DMBT1: variants seen among roughly 807,000 people sequenced by gnomAD.
DMBT1 encodes scavenger receptor cysteine-rich domain-containing protein DMBT1.
In DMBT1, 198 loss-of-function variants were observed where a neutral mutation model predicts 252.9. The observed-to-expected ratio is 0.78, with a 90% CI of 0.70 to 0.88. The LOEUF is 0.88. Ranked by LOEUF, DMBT1 falls within the 40% of genes least tolerant of loss-of-function variation. The probability of loss-of-function intolerance (pLI) is 0.00; values close to 1 mark genes in which losing one functional copy is unlikely to be tolerated. For synonymous variants in DMBT1, 990 were observed against 942.7 expected (o/e 1.05, Z -0.92); for missense variants, 2,432 against 2,404.7 (o/e 1.01, Z -0.24).
intron 40 of DMBT1, 47 bp downstream of exon 40, chr10:122,617,307 T>C (rs748813111): frequency 1.9e-6 from 3 of 1,588,344 alleles, no homozygotes; most frequent in Non-Finnish European, 2.6e-6. Flanking sequence ...TCTCTGGACA[T>C]ATTTTGTGTT....
intron 43 of DMBT1, 145 bp from the exon 44 acceptor site, chr10:122,620,912 C>A: frequency 6.8e-7 from 1 of 1,467,882 alleles, no homozygotes. Context: ...TATCATGAAG[C>A]TGAACCTCTG....
Position 122,631,168 on chromosome 10 carries a change from C to A in DMBT1, c.6233C>A (p.Thr2078Asn). 1 of 1,614,000 alleles carries A rather than the reference C, an allele frequency of 6.2e-7. No homozygotes were observed. The highest frequency in any genetic ancestry group is 8.5e-7 in the Non-Finnish European group (1 of 1,179,906). ...AYFGSGSGPI[T>N]LDDVECSGTE... ...TTTGGCTCTGGCTCTGGCCCCATCA[C>A]CCTGGACGATGTAGAGTGCTCAGGG... The change falls in exon 49 of 56, where the codon ACC becomes AAC. Residue 2078 changes from threonine to asparagine, a missense_variant. Coordinates refer to ENST00000338354, the MANE Select transcript of DMBT1 (RefSeq NM_001377530.1).
Position 122,621,103 on chromosome 10 carries a change from G to C in DMBT1, c.5331G>C (p.Arg1777Ser). 6.2e-7 allele frequency: 1 copy of C among 1,613,646 alleles called. No homozygotes were observed. Among genetic ancestry groups the C allele is most frequent in the Non-Finnish European group, 8.5e-7 (1 of 1,179,740 alleles). ...LALRLVNGGDRCRGRVEVLYR... is the reference protein window; with the variant it reads ...LALRLVNGGDSCRGRVEVLYR... ...TGAGGCTGGTGAATGGAGGTGACAG[G>C]TGTCGAGGCCGAGTGGAGGTCCTGT... The change falls in exon 44 of 56, where the codon AGG becomes AGC. Residue 1777 changes from arginine (R) to serine (S), a missense_variant. By Grantham distance (110) the Arg-to-Ser change is moderately radical. Around this residue, in one of 3 missense-constraint regions of DMBT1, gnomAD observed 1,162 missense variants for 1,169.0 expected, o/e 0.99. Coordinates refer to ENST00000338354, the MANE Select transcript of DMBT1 (RefSeq NM_001377530.1).
rs749836810 is a variant in DMBT1 at position 122,579,622 on chromosome 10, A to G, written c.724A>G (p.Arg242Gly). 5.6e-6 allele frequency: 9 copies of G among 1,613,618 alleles called. No individual in the cohort carries two copies. In the South Asian group the frequency reaches 6.6e-5, roughly 12 times the overall value. Residue 242 changes from arginine (R) to glycine (G), a missense_variant, in exon 10 of 56, where the codon AGG (arginine) becomes GGG (glycine). Arg to Gly is a moderately radical substitution (Grantham distance 125). This residue lies in a region of DMBT1 where 1,264 missense variants were observed against 1,082.2 expected (regional missense o/e 1.17). Coordinates refer to ENST00000338354, the MANE Select transcript of DMBT1 (RefSeq NM_001377530.1). ...CCTGAGGCTGGTGAATGGAGGCGAC[A>G]GGTGTCGAGGCCGAGTGGAGGTCCT... ...LALRLVNGGD[R>G]CRGRVEVLYR...
Position 122,631,221 on chromosome 10 carries a change from A to C in DMBT1, c.6286A>C (p.Asn2096His). 2 of 1,614,014 alleles carry C rather than the reference A, an allele frequency of 1.2e-6. No homozygotes were observed. The highest frequency in any genetic ancestry group is 1.6e-4 in the Middle Eastern group (1 of 6,062). The change falls in exon 49 of 56, where the codon AAC (asparagine) becomes CAC (histidine). Residue 2096 changes from asparagine (N) to histidine (H), a missense_variant. By Grantham distance (68) the Asn-to-His change is moderately conservative. This residue lies in a region of DMBT1 where 1,162 missense variants were observed against 1,169.0 expected (regional missense o/e 0.99). Transcript: ENST00000338354. ...GTESTLWQCR[N>H]RGWFSHNCNH... ...GGAATCCACTCTCTGGCAGTGCCGG[A>C]ACCGAGGCTGGTTCTCCCACAACTG...
chr10:122,637,869 TCACCATCTAAGATGGC>T (rs1843750540), intron 54 of DMBT1, among the ~76,000 whole-genome samples: 1 of 152,212 alleles, frequency 6.6e-6, no homozygotes, highest in African/African-American at 2.4e-5. Context: ...TGTTGAGCTA[TCACCATCTAAGATGGC>T]CCCCTGCATC....
In DMBT1 at chr10:122,585,301, C is replaced by G. The variant is rs371217158; in HGVS notation, c.1451C>G (p.Ser484Trp). The G allele has an allele frequency of 2.5e-5, 39 of 1,586,502 alleles. 2 individuals are homozygous for G. In the Admixed American group the frequency reaches 3.5e-4, roughly 14 times the overall value. ...DTLPTITLPA[S>W]TVGSESSLAL... is the part of the protein sequence containing the mutation. ...TTGCCGACCATCACCTTACCTGCAT[C>G]GACAGTAGGTAAATAATCCTCTCGC... Residue 484 changes from serine (S) to tryptophan (W), a missense_variant, in exon 15 of 56, where the codon TCG (serine) becomes TGG (tryptophan). Transcript: ENST00000338354.
At chr10:122,638,028 A>G (rs1566037903) in intron 54 of DMBT1, among the ~76,000 whole-genome samples, 1 of 152,192 alleles carries the variant, frequency 6.6e-6, no homozygotes, top group Non-Finnish European at 1.5e-5. Context: ...GGGACTTTGC[A>G]GATTTTAGCA....
intron 1 of DMBT1, 150 bp from the exon 2 acceptor site, chr10:122,565,817 A>G: frequency 2.7e-6 from 2 of 728,320 alleles, no homozygotes; most frequent in Non-Finnish European, 4.9e-6. Context: ...TGCAGAATTC[A>G]TTTAGCAAGA....
At chr10:122,619,675 T>C (rs1389618442) in intron 42 of DMBT1, among the ~76,000 whole-genome samples, 1 of 152,236 alleles carries the variant, frequency 6.6e-6, no homozygotes, top group Non-Finnish European at 1.5e-5. Context: ...TGAGAGTGAC[T>C]GCCAAAGTCA....
At chr10:122,593,713 T>A in intron 21 of DMBT1, 115 bp downstream of exon 21, 1 of 1,343,692 alleles carries the variant, frequency 7.4e-7, no homozygotes, top group Non-Finnish European at 1.0e-6. Context: ...GCATATTATT[T>A]CCACCCCCAA....
In DMBT1 at chr10:122,630,976, TG is replaced by T. The variant is rs748439553; in HGVS notation, c.6043del (p.Val2015SerfsTer3). ...NSFPSDATLR[L>X]VNLNSSYGLC... Reference sequence around the variant, plus strand: ...TGTCTTTCAGATGCCACCTTGAGGTTGGTCAATTTAAATTCATCCTATGGTC... The same window carrying T: ...TGTCTTTCAGATGCCACCTTGAGGTTGTCAATTTAAATTCATCCTATGGTC... On this transcript the variant is annotated frameshift_variant, in exon 49 of 56. Transcript: ENST00000338354. LOFTEE classifies it high-confidence loss of function. 3 of 1,601,344 alleles carry T rather than the reference TG, an allele frequency of 1.9e-6. No individual in the cohort carries two copies. The South Asian group carries it at 3.3e-5, about 18-fold the overall frequency.
intron 24 of DMBT1, among the ~76,000 whole-genome samples, chr10:122,597,645 C>T (rs374403670): frequency 1.7e-4 from 26 of 152,322 alleles, no homozygotes; most frequent in Middle Eastern, 6.8e-3. Flanking sequence ...GTTTCCCTAA[C>T]ATTTTAGCTC....
At position 122,642,546 on chromosome 10, in the gene DMBT1, G is replaced by A. The variant is rs372148037; in HGVS notation, c.7353-576G>A. 4.4e-4 allele frequency among the ~76,000 whole-genome samples: 67 copies of A among 152,256 alleles called. No homozygotes were observed. In the East Asian group the frequency reaches 8.3e-3, roughly 19 times the overall value. On this transcript the variant is annotated intron_variant, in intron 55 of 55. Transcript: ENST00000338354. The stretch of plus-strand genomic sequence containing the variant: ...AGGGAATGAGGAGGGGGTTTATATC[G>A]GTATAGGGGCTCCTGGAGGGTTCGC...
At chr10:122,573,098 C>G (rs3116706) in intron 5 of DMBT1, among the ~76,000 whole-genome samples, 104,435 of 151,994 alleles carry the variant, frequency 0.69, 36,096 homozygotes, top group East Asian at 0.77. Flanking sequence ...TCCCCAAAGA[C>G]GAGTTTCTGG....
intron 54 of DMBT1, among the ~76,000 whole-genome samples, chr10:122,639,291 A>G (rs1437968471): frequency 6.6e-6 from 1 of 152,238 alleles, no homozygotes; most frequent in Non-Finnish European, 1.5e-5. Context: ...TGAAAGAGTA[A>G]GAAGGGTCAT....
Position 122,599,021 on chromosome 10 carries a change from C to T in DMBT1, c.3204C>T (p.Tyr1068=), listed in dbSNP as rs1418702833. 4 of 1,613,782 alleles carry T rather than the reference C, an allele frequency of 2.5e-6. No individual in the cohort carries two copies. The highest frequency in any genetic ancestry group is 1.7e-5 in the Admixed American group (1 of 60,014). The stretch of plus-strand genomic sequence containing the variant: ...TGCGCTGCTCAGGACACGAGTCTTA[C>T]CTGTGGAGCTGCCCCCACAATGGCT... ...DDVRCSGHES[Y]LWSCPHNGWL... Residue 1068 remains tyrosine, a synonymous_variant, in exon 26 of 56, where the codon TAC becomes TAT. Coordinates refer to ENST00000338354, the MANE Select transcript of DMBT1 (RefSeq NM_001377530.1).
At chr10:122,621,408 C>G (rs745566413) in intron 44 of DMBT1, 28 bp downstream of exon 44, 8 of 1,613,674 alleles carry the variant, frequency 5.0e-6, no homozygotes, top group Middle Eastern at 1.7e-4. Context: ...GGGGCTCCCT[C>G]TCTTGGGGTG....
At position 122,591,546 on chromosome 10, in the gene DMBT1, G is replaced by A. The variant is rs1591350971; in HGVS notation, c.2176+29G>A. 4.5e-6 allele frequency: 7 copies of A among 1,569,644 alleles called. 3 individuals carry two copies. In the East Asian group the frequency reaches 1.7e-4, roughly 37 times the overall value. The stretch of plus-strand genomic sequence containing the variant: ...AATAATCCTCTCACCCCTCCCTAGG[G>A]CTCACTCTCTACCTCTGGACAAATG... On this transcript the variant is annotated intron_variant, in intron 19 of 55. Transcript: ENST00000338354.
Sources: gnomAD v4.1 joint callset for allele counts (sites outside exome capture counted in the v4.1 genomes callset) on GRCh38, gnomAD v4.1.1 for gene constraint, gnomAD v4.1.1 regional missense constraint, MANE v1.5 for transcripts, NCBI Gene and HGNC (gene_info 2026-07-23, HGNC 2026-07-21) for gene names.